The following IKZF2 variants were observed in gnomAD, a reference collection of about 807,000 sequenced individuals.
IKZF2 encodes zinc finger protein Helios.
In IKZF2, 15 loss-of-function variants were observed where a neutral mutation model predicts 49.2. The observed-to-expected ratio is 0.30, with a 90% CI of 0.20 to 0.47. The LOEUF is 0.47. Among genes scored for constraint, IKZF2 ranks in the 20% least tolerant of loss-of-function variants. IKZF2 has a pLI of 1.00. For missense variants in IKZF2, 567 were observed against 664.6 expected, an observed-to-expected ratio of 0.85 and a Z score of 1.61; for synonymous variants, 227 against 221.4, an observed-to-expected ratio of 1.03 and a Z score of -0.23.
chr2:213,014,221 G>A, intron 7 of IKZF2: 1 of 209,958 alleles, frequency 4.8e-6, no homozygotes, highest in Non-Finnish European at 9.5e-6. Context: ...TTATTCCCCT[G>A]AAAGTGTTTT....
At chr2:213,134,118 A>T (rs1039327724) in intron 4 of IKZF2, among the ~76,000 whole-genome samples, 1 of 152,230 alleles carries the variant, frequency 6.6e-6, no homozygotes, top group African/African-American at 2.4e-5. Context: ...ACAGAGTATG[A>T]TCTCAAGAAA....
At chr2:213,128,804 CTTTTTTTTTTTTTT>C (rs1184422126) in intron 4 of IKZF2, among the ~76,000 whole-genome samples, 2 of 113,182 alleles carry the variant, frequency 1.8e-5, no homozygotes, top group Admixed American at 1.1e-4. Flanking sequence ...ATTTTTTTTT[CTTTTTTTTTTTTTT>C]TTTTTGTATT....
At chr2:213,016,855 A>T (rs1190544983) in intron 7 of IKZF2, 1 of 152,122 alleles carries the variant, frequency 6.6e-6, no homozygotes, top group Non-Finnish European at 1.5e-5. Flanking sequence ...GTTAGATCAC[A>T]TGTCTAGCTC....
chr2:213,007,233 T>C lies in IKZF2; in HGVS notation c.*127A>G, dbSNP rs1695421172. ...CACTGCCTCCACAAAATAAGAATTA[T>C]CAACAGTAATAATATTAAAAAAAAT... On this transcript the variant is annotated 3_prime_UTR_variant, in exon 9 of 9. Coordinates refer to ENST00000434687, the MANE Select transcript of IKZF2 (RefSeq NM_001387220.1). 1 of 1,004,332 alleles carries C rather than the reference T, an allele frequency of 1.0e-6. No homozygotes were observed. The highest frequency in any genetic ancestry group is 1.6e-5 in the African/African-American group (1 of 60,822). 62.2% of individuals were successfully genotyped at this position (1,004,332 alleles called of 1,614,324 possible).
At chr2:213,116,340 G>A (rs559588274) in intron 4 of IKZF2, among the ~76,000 whole-genome samples, 2 of 152,258 alleles carry the variant, frequency 1.3e-5, no homozygotes, top group South Asian at 4.1e-4. Context: ...ATGTTTACAT[G>A]GTCATAGAAA....
intron 7 of IKZF2, among the ~76,000 whole-genome samples, chr2:213,016,343 G>C (rs1052245573): frequency 1.3e-4 from 20 of 152,094 alleles, no homozygotes; most frequent in African/African-American, 3.9e-4. Context: ...TCTGGCTCCA[G>C]AGCCTGGCTC....
At chr2:213,084,491 G>A (rs981967608) in intron 4 of IKZF2, among the ~76,000 whole-genome samples, 6 of 151,692 alleles carry the variant, frequency 4.0e-5, no homozygotes, top group Non-Finnish European at 8.8e-5. Context: ...TATGGCTTTG[G>A]GGTAAGGAAA....
chr2:213,101,602 T>C (rs1376020615), intron 4 of IKZF2, among the ~76,000 whole-genome samples: 1 of 152,106 alleles, frequency 6.6e-6, no homozygotes, highest in Non-Finnish European at 1.5e-5. Flanking sequence ...GGCTCCAAAT[T>C]AAATTTAATT....
chr2:213,046,574 CAT>C (rs1469588177), intron 6 of IKZF2, among the ~76,000 whole-genome samples: 1 of 152,162 alleles, frequency 6.6e-6, no homozygotes, highest in Non-Finnish European at 1.5e-5. Flanking sequence ...TCAGCTAGTA[CAT>C]TTAACTGCAC....
chr2:213,007,489 G>T lies in IKZF2; in HGVS notation c.1452C>A (p.Val484=), dbSNP rs1314295310. 1 of 1,613,672 alleles carries T rather than the reference G, an allele frequency of 6.2e-7. No homozygotes were observed. The highest frequency in any genetic ancestry group is 1.1e-5 in the South Asian group (1 of 91,076). Residue 484 remains valine, a synonymous_variant, in exon 9 of 9, where the codon GTC becomes GTA. Transcript: ENST00000434687. ...EHCRVLFLDH[V]MYTIHMGCHG... is the part of the protein sequence containing the mutation. ...GGCAACCCATGTGAATGGTGTACAT[G>T]ACATGGTCTAGGAAAAGGACTCGGC...
chr2:213,069,441 G>C (rs1037260887), intron 4 of IKZF2, among the ~76,000 whole-genome samples: 1 of 152,068 alleles, frequency 6.6e-6, no homozygotes, highest in African/African-American at 2.4e-5. Flanking sequence ...CCGAATCTAC[G>C]TTTTTGTCAC....
At chr2:213,049,044 C>T (rs544686545) in intron 6 of IKZF2, among the ~76,000 whole-genome samples, 1 of 151,926 alleles carries the variant, frequency 6.6e-6, no homozygotes, top group Non-Finnish European at 1.5e-5. Flanking sequence ...TCATTCTTTT[C>T]TCTTTTATGT....
intron 7 of IKZF2, among the ~76,000 whole-genome samples, chr2:213,020,456 C>T (rs953239884): frequency 3.9e-5 from 6 of 151,990 alleles, no homozygotes; most frequent in Admixed American, 3.3e-4. Flanking sequence ...GCAGGTTTGG[C>T]AGACTCCGAG....
intron 7 of IKZF2, among the ~76,000 whole-genome samples, chr2:213,018,038 C>T (rs1198323336): frequency 6.6e-6 from 1 of 152,124 alleles, no homozygotes; most frequent in African/African-American, 2.4e-5. Context: ...CTTTCCTAAA[C>T]AATTCAAAGC....
chr2:213,143,027 TAAG>T (rs1260032665), intron 4 of IKZF2, among the ~76,000 whole-genome samples: 1 of 151,692 alleles, frequency 6.6e-6, no homozygotes. Context: ...CATAAACAGA[TAAG>T]AAGGGAAAAA....
chr2:213,130,730 A>T (rs2060447660), intron 4 of IKZF2, among the ~76,000 whole-genome samples: 1 of 152,216 alleles, frequency 6.6e-6, no homozygotes, highest in African/African-American at 2.4e-5. Context: ...TTCAGTTAGG[A>T]TTAAGTACAT....
intron 4 of IKZF2, among the ~76,000 whole-genome samples, chr2:213,128,455 C>A (rs2060341542): frequency 6.6e-6 from 1 of 152,054 alleles, no homozygotes; most frequent in African/African-American, 2.4e-5. Context: ...GTCAGTAATC[C>A]CTTACGGCTT....
At chr2:213,017,946 C>T (rs2125083157) in intron 7 of IKZF2, among the ~76,000 whole-genome samples, 1 of 152,164 alleles carries the variant, frequency 6.6e-6, no homozygotes, top group Non-Finnish European at 1.5e-5. Flanking sequence ...AATGATGTCA[C>T]CCAATAGAAA....
intron 5 of IKZF2, among the ~76,000 whole-genome samples, chr2:213,056,308 G>A (rs1701146929): frequency 6.6e-6 from 1 of 152,062 alleles, no homozygotes; most frequent in Admixed American, 6.6e-5. Flanking sequence ...AACAATTACA[G>A]AAAGATGGCA....
Sources: allele counts gnomAD v4.1 joint callset (sites outside exome capture counted in the v4.1 genomes callset), GRCh38; gene constraint gnomAD v4.1.1; transcripts MANE v1.5; gene names NCBI Gene and HGNC (gene_info 2026-07-23, HGNC 2026-07-21).